CYP3A7: variants seen among roughly 807,000 people sequenced by gnomAD.
CYP3A7 encodes cytochrome P450 3A7.
A neutral mutation model predicts 55.2 loss-of-function variants in CYP3A7; 45 were observed. The observed-to-expected ratio is 0.82, with a 90% CI of 0.64 to 1.05. CYP3A7 has a LOEUF of 1.05. Ranked by LOEUF, CYP3A7 falls within the 50% of genes least tolerant of loss-of-function variation. The pLI is 0.00. For synonymous variants in CYP3A7, 180 were observed against 207.4 expected, an observed-to-expected ratio of 0.87 and a Z score of 1.13; for missense variants, 548 against 605.3, an observed-to-expected ratio of 0.91 and a Z score of 0.99.
intron 1 of CYP3A7, among the ~76,000 whole-genome samples, chr7:99,734,682 C>T (rs1176614591): frequency 6.7e-6 from 1 of 149,828 alleles, no homozygotes; most frequent in Non-Finnish European, 1.5e-5. Context: ...AGTGCAGTGG[C>T]ATGATCTCAG....
At chr7:99,730,658 A>G (rs1227157614) in intron 2 of CYP3A7, 1 of 201,830 alleles carries the variant, frequency 5.0e-6, no homozygotes, top group African/African-American at 2.3e-5. Context: ...TACAGAGAGG[A>G]AAGTTTTACT....
At chr7:99,724,124 T>C (rs894075254) in intron 2 of CYP3A7, among the ~76,000 whole-genome samples, 22 of 152,124 alleles carry the variant, frequency 1.4e-4, no homozygotes, top group Admixed American at 9.8e-4. Flanking sequence ...CCTTCTCTTT[T>C]CTCTGGGCTT....
intron 2 of CYP3A7, among the ~76,000 whole-genome samples, chr7:99,727,257 A>T (rs1163554450): frequency 2.0e-5 from 3 of 152,170 alleles, no homozygotes; most frequent in Admixed American, 2.0e-4. Flanking sequence ...ACTTGACCTT[A>T]CTGTTTTAGG....
At position 99,724,912 on chromosome 7, in the gene CYP3A7, C is replaced by G. The variant is rs113723247; in HGVS notation, c.166-2564G>C. Among the ~76,000 whole-genome samples, 380 of 152,286 alleles carry G rather than the reference C, an allele frequency of 2.5e-3. 2 individuals are homozygous for G. The highest frequency in any genetic ancestry group is 8.6e-3 in the African/African-American group (358 of 41,548). ...ACTGAAATGTCATCCTGACCTCCCC[C>G]CTCTCCCCAGATGAGCAGGAAAGAG... is the stretch of plus-strand genomic sequence containing the variant. On this transcript the variant is annotated intron_variant, in intron 2 of 12. Transcript: ENST00000336374.
intron 3 of CYP3A7, chr7:99,720,929 A>G (rs45560331): frequency 0.013 from 2,144 of 162,176 alleles, 54 homozygotes; most frequent in African/African-American, 0.048. Flanking sequence ...TGTATGGGCC[A>G]TGCCAGATCC....
intron 1 of CYP3A7, among the ~76,000 whole-genome samples, chr7:99,732,353 A>G (rs1814659617): frequency 6.6e-6 from 1 of 152,180 alleles, no homozygotes; most frequent in South Asian, 2.1e-4. Flanking sequence ...CCATGAGCCA[A>G]TTAAATCTCT....
Position 99,722,090 on chromosome 7 carries a change from C to T in CYP3A7, c.218+206G>A, listed in dbSNP as rs45596434. Among the ~76,000 whole-genome samples the T allele has an allele frequency of 2.0e-5, 3 of 152,314 alleles. No homozygotes were observed. In the East Asian group the frequency reaches 5.8e-4, roughly 29 times the overall value. On this transcript the variant is annotated intron_variant, in intron 3 of 12. Transcript: ENST00000336374. ...GTCTTCCTTTACCTCCCTGAATTTG[C>T]ACATAGCTTATAATGGCACACAGTT...
chr7:99,720,501 A>T, intron 3 of CYP3A7, 89 bp from the exon 4 acceptor site: 2 of 1,395,952 alleles, frequency 1.4e-6, no homozygotes, highest in South Asian at 1.2e-5. Flanking sequence ...TGATCCGGAC[A>T]TTACATAATC....
intron 2 of CYP3A7, among the ~76,000 whole-genome samples, chr7:99,725,654 G>A (rs1285306664): frequency 2.0e-5 from 3 of 152,170 alleles, no homozygotes; most frequent in South Asian, 2.1e-4. Flanking sequence ...GACTCACATC[G>A]CCACTGCTCC....
At chr7:99,732,437 C>G (rs921374585) in intron 1 of CYP3A7, among the ~76,000 whole-genome samples, 13 of 152,058 alleles carry the variant, frequency 8.5e-5, no homozygotes, top group African/African-American at 3.1e-4. Context: ...GCCAGACATG[C>G]TCATTTTTTT....
chr7:99,712,969 A>C (rs908418468), intron 9 of CYP3A7, among the ~76,000 whole-genome samples: 3 of 152,238 alleles, frequency 2.0e-5, no homozygotes, highest in Non-Finnish European at 1.5e-5. Context: ...ATAACTTCAT[A>C]GTTGATTAAC....
intron 2 of CYP3A7, chr7:99,730,807 A>T (rs1052481815): frequency 4.2e-6 from 2 of 470,796 alleles, no homozygotes; most frequent in Non-Finnish European, 7.7e-6. Flanking sequence ...AAGTCTGCAC[A>T]TCAAGTTGTG....
chr7:99,726,823 C>T (rs193091833), intron 2 of CYP3A7, among the ~76,000 whole-genome samples: 31 of 152,296 alleles, frequency 2.0e-4, no homozygotes, highest in African/African-American at 6.3e-4. Context: ...CGGGTATCCC[C>T]CTCCAAAGCT....
chr7:99,733,917 G>A (rs775760034), intron 1 of CYP3A7, among the ~76,000 whole-genome samples: 19 of 152,324 alleles, frequency 1.2e-4, no homozygotes, highest in Non-Finnish European at 2.5e-4. Context: ...GACATATGCA[G>A]TCTTGTCCTA....
intron 7 of CYP3A7, among the ~76,000 whole-genome samples, chr7:99,715,025 A>G (rs1204029960): frequency 3.9e-5 from 6 of 152,238 alleles, no homozygotes; most frequent in Non-Finnish European, 5.9e-5. Flanking sequence ...TAAATTAATC[A>G]TGCTCTTCAA....
chr7:99,719,455 C>T (rs868132274), intron 4 of CYP3A7, among the ~76,000 whole-genome samples: 1 of 152,034 alleles, frequency 6.6e-6, no homozygotes, highest in Non-Finnish European at 1.5e-5. Flanking sequence ...AAATCTCATA[C>T]CTTATACAAA....
chr7:99,714,166 G>T (rs374915514), intron 8 of CYP3A7, among the ~76,000 whole-genome samples: 22 of 152,260 alleles, frequency 1.4e-4, no homozygotes, highest in African/African-American at 5.3e-4. Flanking sequence ...TAATAGCCTT[G>T]TACTTGAAAT....
chr7:99,727,521 A>T (rs1814458993), intron 2 of CYP3A7, among the ~76,000 whole-genome samples: 1 of 151,960 alleles, frequency 6.6e-6, no homozygotes, highest in African/African-American at 2.4e-5. Flanking sequence ...TCCTGATACC[A>T]CACCTTATCC....
In CYP3A7 at chr7:99,722,314, T is replaced by G. The variant is rs776390885; in HGVS notation, c.200A>C (p.Lys67Thr). ...TACTCACCCCCAGACTTTTCTATAC[T>G]TTTTATAACATTCCATGTCAAACGT... The part of the protein sequence containing the change: ...YWTFDMECYK[K>T]YRKVWGIYDC... The change falls in exon 3 of 13, where the codon AAG (lysine) becomes ACG (threonine). Residue 67 changes from lysine to threonine, a missense_variant. By Grantham distance (78) the Lys-to-Thr change is moderately conservative. Transcript: ENST00000336374. 1.2e-6 allele frequency: 2 copies of G among 1,613,614 alleles called. No homozygotes were observed. Among genetic ancestry groups the G allele is most frequent in the Admixed American group, 1.7e-5 (1 of 59,998 alleles).
Sources: allele counts gnomAD v4.1 joint callset (sites outside exome capture counted in the v4.1 genomes callset), GRCh38; gene constraint gnomAD v4.1.1; transcripts MANE v1.5; gene names NCBI Gene and HGNC (gene_info 2026-07-23, HGNC 2026-07-21).